CA10: variants seen among roughly 807,000 people sequenced by gnomAD.
The protein encoded by CA10 is carbonic anhydrase-related protein 10.
In CA10, 14 loss-of-function variants were observed where a neutral mutation model predicts 44.2. The ratio of observed to expected loss-of-function variants is 0.32; its 90% CI spans 0.21 to 0.50. The LOEUF is 0.50. Ranked by LOEUF, CA10 falls within the 20% of genes least tolerant of loss-of-function variation. CA10 has a pLI of 0.99. For missense variants in CA10, 350 were observed against 409.7 expected, an observed-to-expected ratio of 0.85 and a Z score of 1.26; for synonymous variants, 159 against 141.6, an observed-to-expected ratio of 1.12 and a Z score of -0.87.
intron 6 of CA10, among the ~76,000 whole-genome samples, chr17:51,645,980 T>A (rs1913316873): frequency 6.6e-6 from 1 of 152,164 alleles, no homozygotes; most frequent in East Asian, 1.9e-4. Context: ...GAGAACTACT[T>A]GCCCTGGATA....
chr17:51,714,134 C>G (rs1051185488), intron 4 of CA10, among the ~76,000 whole-genome samples: 1 of 152,102 alleles, frequency 6.6e-6, no homozygotes, highest in Non-Finnish European at 1.5e-5. Flanking sequence ...GACACCAGTT[C>G]CTGAGGCCTC....
intron 5 of CA10, 148 bp downstream of exon 5, chr17:51,653,493 T>C: frequency 1.7e-6 from 1 of 598,394 alleles, no homozygotes; most frequent in East Asian, 2.8e-5. Flanking sequence ...TTTTCATAAA[T>C]CTCATGTATA....
intron 3 of CA10, among the ~76,000 whole-genome samples, chr17:51,879,497 T>C (rs115195484): frequency 0.013 from 2,002 of 152,306 alleles, 42 homozygotes; most frequent in African/African-American, 0.046. Flanking sequence ...ACTTATTTGA[T>C]AACTCCAGAC....
At chr17:51,713,638 G>T (rs1394018115) in intron 4 of CA10, among the ~76,000 whole-genome samples, 3 of 152,180 alleles carry the variant, frequency 2.0e-5, no homozygotes, top group Non-Finnish European at 4.4e-5. Context: ...ATCTTGCCCA[G>T]CATATATTTA....
chr17:51,713,456 C>T (rs888269266), intron 4 of CA10, among the ~76,000 whole-genome samples: 9 of 152,154 alleles, frequency 5.9e-5, no homozygotes, highest in African/African-American at 2.2e-4. Flanking sequence ...GATGGTAAGT[C>T]ATTTGACAAA....
chr17:52,056,139 C>T (rs775043401), intron 2 of CA10, among the ~76,000 whole-genome samples: 3 of 151,934 alleles, frequency 2.0e-5, no homozygotes, highest in Non-Finnish European at 2.9e-5. Flanking sequence ...GCAGGCACAG[C>T]GGGCTGCAAA....
chr17:51,849,673 T>C lies in CA10; in HGVS notation c.279+81317A>G, dbSNP rs558115104. On this transcript the variant is annotated intron_variant, in intron 3 of 8. Coordinates refer to ENST00000451037, the MANE Select transcript of CA10 (RefSeq NM_020178.5). ...AGTGCTTCATAAAGAGTCTGCCTCA[T>C]AGAAGAAACTTGGTGGATGTGCATT... Among the ~76,000 whole-genome samples the C allele has an allele frequency of 4.6e-5, 7 of 152,336 alleles. No individual in the cohort carries two copies. The East Asian group carries it at 1.3e-3, about 29-fold the overall frequency.
chr17:52,020,599 A>G (rs1384120391), intron 2 of CA10, among the ~76,000 whole-genome samples: 1 of 151,946 alleles, frequency 6.6e-6, no homozygotes, highest in African/African-American at 2.4e-5. Flanking sequence ...AAATTGCTGT[A>G]ATTTGCTTTA....
intron 2 of CA10, among the ~76,000 whole-genome samples, chr17:52,046,373 G>A (rs1986912967): frequency 6.6e-6 from 1 of 151,288 alleles, no homozygotes. Flanking sequence ...CAGTACAAAG[G>A]GAAGGAAGGA....
At chr17:52,074,178 TTGTAA>T (rs1448122419) in intron 1 of CA10, among the ~76,000 whole-genome samples, 1 of 152,116 alleles carries the variant, frequency 6.6e-6, no homozygotes, top group Non-Finnish European at 1.5e-5. Context: ...AACAACTACT[TTGTAA>T]TGCTCACCTT....
chr17:51,720,271 T>A (rs918675833), intron 4 of CA10, among the ~76,000 whole-genome samples: 1 of 152,232 alleles, frequency 6.6e-6, no homozygotes, highest in African/African-American at 2.4e-5. Flanking sequence ...TCTTCTGCAC[T>A]TCCTTTTATA....
intron 1 of CA10, among the ~76,000 whole-genome samples, chr17:52,143,987 T>C (rs914371774): frequency 6.6e-6 from 1 of 152,186 alleles, no homozygotes; most frequent in Non-Finnish European, 1.5e-5. Flanking sequence ...TCAGATCAGA[T>C]ATATTTGAAA....
At chr17:52,059,679 A>C (rs1567719367) in intron 2 of CA10, among the ~76,000 whole-genome samples, 1 of 152,130 alleles carries the variant, frequency 6.6e-6, no homozygotes, top group Non-Finnish European at 1.5e-5. Flanking sequence ...AATAAAAAAA[A>C]AAGTGCTAAA....
intron 2 of CA10, among the ~76,000 whole-genome samples, chr17:52,045,254 G>GA (rs1174367248): frequency 2.0e-5 from 3 of 150,342 alleles, no homozygotes; most frequent in Non-Finnish European, 2.9e-5. Flanking sequence ...GCCCATTTCA[G>GA]AAAAAAATAT....
chr17:51,918,207 A>G (rs2143966368), intron 3 of CA10, among the ~76,000 whole-genome samples: 1 of 152,288 alleles, frequency 6.6e-6, no homozygotes, highest in African/African-American at 2.4e-5. Flanking sequence ...ATGTGTATTC[A>G]TTTTCTCCAT....
chr17:51,752,205 C>T (rs570861733), intron 3 of CA10, among the ~76,000 whole-genome samples: 6 of 151,398 alleles, frequency 4.0e-5, no homozygotes, highest in Admixed American at 2.6e-4. Context: ...GGCTTGACAA[C>T]GTTATGTATG....
chr17:51,684,363 C>T (rs756291211), intron 4 of CA10, among the ~76,000 whole-genome samples: 5 of 152,172 alleles, frequency 3.3e-5, no homozygotes, highest in African/African-American at 1.2e-4. Flanking sequence ...TGAGCCACTA[C>T]GTTTGTGGTA....
chr17:52,072,678 T>C (rs868641207), intron 1 of CA10, among the ~76,000 whole-genome samples: 47 of 140,172 alleles, frequency 3.4e-4, no homozygotes, highest in East Asian at 6.5e-4. Flanking sequence ...ATCTTCCCCA[T>C]ACACACACAC....
At chr17:52,055,358 A>C (rs1320126402) in intron 2 of CA10, among the ~76,000 whole-genome samples, 1 of 151,906 alleles carries the variant, frequency 6.6e-6, no homozygotes, top group Non-Finnish European at 1.5e-5. Flanking sequence ...AAAAAAAAAA[A>C]AAAACAAAGC....
Sources: gnomAD v4.1 joint callset for allele counts (sites outside exome capture counted in the v4.1 genomes callset) on GRCh38, gnomAD v4.1.1 for gene constraint, MANE v1.5 for transcripts, NCBI Gene and HGNC (gene_info 2026-07-23, HGNC 2026-07-21) for gene names.